RAD51B: variants seen among roughly 807,000 people sequenced by gnomAD.
The protein encoded by RAD51B is RAD51 paralog B.
A neutral mutation model predicts 42.2 loss-of-function variants in RAD51B; 38 were observed. That is an observed-to-expected ratio of 0.90 (90% confidence interval 0.70 to 1.18). The LOEUF (loss-of-function observed/expected upper bound fraction) is 1.18, where lower values mean the gene tolerates loss of function less well. Ranked by LOEUF, RAD51B falls within the 50% of genes most tolerant of loss-of-function variation. The probability of loss-of-function intolerance (pLI) is 0.00; values close to 1 mark genes in which losing one functional copy is unlikely to be tolerated. For missense variants in RAD51B, 373 were observed against 400.7 expected, an observed-to-expected ratio of 0.93 and a Z score of 0.59; for synonymous variants, 154 against 145.2, an observed-to-expected ratio of 1.06 and a Z score of -0.43.
At chr14:68,454,339 G>T (rs375223299) in intron 9 of RAD51B, among the ~76,000 whole-genome samples, 234 of 152,108 alleles carry the variant, frequency 1.5e-3, no homozygotes, top group African/African-American at 5.4e-3. Context: ...AAAGTAACAA[G>T]AACATTGACA....
chr14:68,614,841 G>T (rs1320854488), downstream of RAD51B, among the ~76,000 whole-genome samples: 1 of 152,220 alleles, frequency 6.6e-6, no homozygotes, highest in Non-Finnish European at 1.5e-5. Flanking sequence ...CAGTGTGTGT[G>T]GACATGGATT....
chr14:68,438,686 G>T (rs2085206662), intron 9 of RAD51B, among the ~76,000 whole-genome samples: 1 of 152,074 alleles, frequency 6.6e-6, no homozygotes, highest in South Asian at 2.1e-4. Context: ...CGGATCCCTG[G>T]CTTCTGTATA....
Position 67,855,691 on chromosome 14 carries a change from T to G in RAD51B, c.316-9312T>G, listed in dbSNP as rs150915767. Among the ~76,000 whole-genome samples the G allele has an allele frequency of 1.8e-3, 275 of 152,290 alleles. 1 individual carries two copies. The highest frequency in any genetic ancestry group is 6.4e-3 in the African/African-American group (267 of 41,558). On this transcript the variant is annotated intron_variant, in intron 4 of 10. Transcript: ENST00000471583. ...GTTAAGTGTAAGACATAGATATTTA[T>G]TAGTTGATTTTAGCTGCTGACAACA...
At chr14:68,062,844 A>AG (rs60042603) in intron 7 of RAD51B, among the ~76,000 whole-genome samples, 2 of 151,014 alleles carry the variant, frequency 1.3e-5, no homozygotes, top group Non-Finnish European at 2.9e-5. Flanking sequence ...AAAAAAAAAA[A>AG]GAATTCAGCC....
chr14:68,009,449 G>T (rs569139920), intron 7 of RAD51B, among the ~76,000 whole-genome samples: 1 of 151,762 alleles, frequency 6.6e-6, no homozygotes, highest in South Asian at 2.1e-4. Context: ...TTTTCTTCAT[G>T]GAAGTTTTCA....
intron 7 of RAD51B, among the ~76,000 whole-genome samples, chr14:67,944,233 G>A (rs1385101680): frequency 6.8e-6 from 1 of 147,402 alleles, no homozygotes; most frequent in East Asian, 2.0e-4. Context: ...GACAGAGCTG[G>A]AGAATAATTT....
At chr14:68,242,823 C>T (rs2141005528) in intron 7 of RAD51B, among the ~76,000 whole-genome samples, 1 of 152,146 alleles carries the variant, frequency 6.6e-6, no homozygotes, top group East Asian at 1.9e-4. Flanking sequence ...AAGTTAGTAG[C>T]TTACTCAAGA....
At chr14:68,474,039 A>G (rs1882337443) in intron 10 of RAD51B, among the ~76,000 whole-genome samples, 1 of 152,232 alleles carries the variant, frequency 6.6e-6, no homozygotes, top group Non-Finnish European at 1.5e-5. Flanking sequence ...CACGTGATAC[A>G]CAGGTCACAT....
chr14:68,436,671 G>C (rs181583235), intron 9 of RAD51B, among the ~76,000 whole-genome samples: 7 of 151,918 alleles, frequency 4.6e-5, no homozygotes, highest in Admixed American at 2.6e-4. Flanking sequence ...GTGTTTTGGC[G>C]GGGGGATCCT....
intron 7 of RAD51B, among the ~76,000 whole-genome samples, chr14:68,273,251 G>C (rs72727425): frequency 0.15 from 22,057 of 152,112 alleles, 2,099 homozygotes; most frequent in Middle Eastern, 0.28. Flanking sequence ...GCAGGAGGAG[G>C]CTGCTATCCA....
chr14:67,885,892 G>T lies in RAD51B; in HGVS notation c.476G>T (p.Arg159Leu). 6.2e-7 allele frequency: 1 copy of T among 1,608,484 alleles called. No homozygotes were observed. Among genetic ancestry groups the T allele is most frequent in the Non-Finnish European group, 8.5e-7 (1 of 1,176,150 alleles). The change falls in exon 6 of 11, where the codon CGT becomes CTT. Residue 159 changes from arginine to leucine, a missense_variant. Arg to Leu is a moderately radical substitution (Grantham distance 102). Coordinates refer to ENST00000471583, the MANE Select transcript of RAD51B (RefSeq NM_133510.4). ...AERLVEIAES[R>L]FPRYFNTEEK... Reference sequence around the variant, plus strand: ...AGACTGGTTGAAATAGCAGAATCCCGTTTTCCCAGATATTTTAACACTGAA... The same window carrying T: ...AGACTGGTTGAAATAGCAGAATCCCTTTTTCCCAGATATTTTAACACTGAA...
chr14:68,301,584 GTT>G (rs2081736823), intron 8 of RAD51B, among the ~76,000 whole-genome samples: 4 of 123,534 alleles, frequency 3.2e-5, no homozygotes, highest in Admixed American at 9.2e-5. Flanking sequence ...TTTTTTTTTT[GTT>G]TGTGTGTTTT....
chr14:67,860,846 G>C (rs185957527), intron 4 of RAD51B, among the ~76,000 whole-genome samples: 8 of 152,332 alleles, frequency 5.3e-5, no homozygotes, highest in East Asian at 1.9e-4. Flanking sequence ...GTTGATGTCA[G>C]ATATGCAAAG....
In RAD51B at chr14:68,050,528, G is replaced by T. The variant is rs1021472959; in HGVS notation, c.756+163324G>T. Among the ~76,000 whole-genome samples the T allele has an allele frequency of 5.9e-5, 9 of 152,268 alleles. No homozygotes were observed. The South Asian group carries it at 1.2e-3, about 21-fold the overall frequency. On this transcript the variant is annotated intron_variant, in intron 7 of 10. Coordinates refer to ENST00000471583, the MANE Select transcript of RAD51B (RefSeq NM_133510.4). ...AAAATATGAAGAAATAAAAGTACCT[G>T]AAGAGCCATCACTGTGAGTAGTCCA...
chr14:68,391,077 T>G (rs2083738030), intron 8 of RAD51B, among the ~76,000 whole-genome samples: 1 of 152,238 alleles, frequency 6.6e-6, no homozygotes, highest in African/African-American at 2.4e-5. Context: ...TAGGATATGT[T>G]CACAAGATAC....
intron 7 of RAD51B, among the ~76,000 whole-genome samples, chr14:67,899,332 A>C (rs561102184): frequency 6.6e-6 from 1 of 152,052 alleles, no homozygotes; most frequent in African/African-American, 2.4e-5. Flanking sequence ...TACAGGTGTG[A>C]GCCACCACAC....
At chr14:67,987,124 A>C (rs1388892270) in intron 7 of RAD51B, among the ~76,000 whole-genome samples, 1 of 152,208 alleles carries the variant, frequency 6.6e-6, no homozygotes, top group Non-Finnish European at 1.5e-5. Context: ...TACAGTGTGT[A>C]ATAATCACGT....
chr14:68,173,721 T>C (rs2140863976), intron 7 of RAD51B, among the ~76,000 whole-genome samples: 1 of 152,354 alleles, frequency 6.6e-6, no homozygotes, highest in South Asian at 2.1e-4. Context: ...GGAGTACCCA[T>C]GTTCCTGGCT....
intron 11 of RAD51B, among the ~76,000 whole-genome samples, chr14:68,651,292 C>G (rs950096640): frequency 6.6e-6 from 1 of 152,214 alleles, no homozygotes. Flanking sequence ...CACACCTCAA[C>G]CTCCCAAGTA....
Sources: allele counts gnomAD v4.1 joint callset (sites outside exome capture counted in the v4.1 genomes callset), GRCh38; gene constraint gnomAD v4.1.1; transcripts MANE v1.5; gene names NCBI Gene and HGNC (gene_info 2026-07-23, HGNC 2026-07-21).